The following NRG1 variants were observed in gnomAD, a reference collection of about 807,000 sequenced individuals.
NRG1 encodes the protein neuregulin 1.
A neutral mutation model predicts 63.8 loss-of-function variants in NRG1; 18 were observed. The observed-to-expected ratio is 0.28, with a 90% CI of 0.19 to 0.42. NRG1 has a LOEUF of 0.42. Among genes scored for constraint, NRG1 ranks in the 10% least tolerant of loss-of-function variants. The pLI is 1.00. For missense variants in NRG1, 762 were observed against 814.7 expected, an observed-to-expected ratio of 0.94 and a Z score of 0.79; for synonymous variants, 302 against 301.3, an observed-to-expected ratio of 1.00 and a Z score of -0.02.
At chr8:31,878,807 C>T (rs1563518350) in intron 1 of NRG1, among the ~76,000 whole-genome samples, 2 of 152,170 alleles carry the variant, frequency 1.3e-5, no homozygotes, top group African/African-American at 4.8e-5. Flanking sequence ...CGCTTACTTC[C>T]TCACCGTGCA....
intron 1 of NRG1, among the ~76,000 whole-genome samples, chr8:31,835,181 A>G (rs1341341850): frequency 6.6e-6 from 1 of 152,194 alleles, no homozygotes; most frequent in Non-Finnish European, 1.5e-5. Flanking sequence ...TGAACTAGGA[A>G]TTATGAACGC....
At chr8:32,598,773 T>G (rs1843802518) in intron 2 of NRG1, among the ~76,000 whole-genome samples, 1 of 152,136 alleles carries the variant, frequency 6.6e-6, no homozygotes, top group African/African-American at 2.4e-5. Context: ...GGGTATTTTG[T>G]CATTTCTAAA....
At chr8:31,764,806 G>A (rs1271918543) in intron 1 of NRG1, among the ~76,000 whole-genome samples, 1 of 151,468 alleles carries the variant, frequency 6.6e-6, no homozygotes, top group East Asian at 2.0e-4. Flanking sequence ...AGTTACATAT[G>A]TATACATGTG....
intron 1 of NRG1, among the ~76,000 whole-genome samples, chr8:31,783,370 A>T (rs886085963): frequency 1.3e-5 from 2 of 152,156 alleles, no homozygotes; most frequent in Non-Finnish European, 2.9e-5. Flanking sequence ...CATTTGCTGG[A>T]GATGATATTT....
chr8:31,976,415 C>G (rs575148193), intron 1 of NRG1, among the ~76,000 whole-genome samples: 1 of 152,062 alleles, frequency 6.6e-6, no homozygotes, highest in Non-Finnish European at 1.5e-5. Flanking sequence ...TATGTTCTGA[C>G]AAGAGTTCAG....
chr8:31,830,363 CTCCT>C lies in NRG1; in HGVS notation c.37+190936_37+190939del, dbSNP rs906495212. Among the ~76,000 whole-genome samples the C allele has an allele frequency of 3.8e-4, 18 of 47,200 alleles. No homozygotes were observed. The East Asian group carries it at 0.033, about 86-fold the overall frequency. The allele number at this position is 47,200 out of a possible 152,430, so 31.0% of individuals were successfully genotyped here. On this transcript the variant is annotated intron_variant, in intron 1 of 10. Transcript: ENST00000519301. ...CTTCCTTCCTTCCTTCCTTCCTTCC[CTCCT>C]TCCCTCCTTCCCTCCTTCCCTCCTT... is the stretch of plus-strand genomic sequence containing the variant.
At chr8:31,652,266 G>C (rs145126890) in intron 1 of NRG1, among the ~76,000 whole-genome samples, 6 of 152,072 alleles carry the variant, frequency 3.9e-5, no homozygotes, top group Non-Finnish European at 8.8e-5. Flanking sequence ...GATTCGTCCC[G>C]TCTTCCCTCA....
chr8:31,640,050 C>G lies in NRG1; in HGVS notation c.37+619C>G. 6.1e-6 allele frequency: 7 copies of G among 1,143,768 alleles called. No individual in the cohort carries two copies. Among genetic ancestry groups the G allele is most frequent in the Non-Finnish European group, 7.5e-6 (7 of 933,114 alleles). The allele number at this position is 1,143,768 out of a possible 1,614,324, so 70.9% of individuals were successfully genotyped here. ...GCCCCCGGGCCCAGCGCCCCGGCTC[C>G]GCCGCCCGCTCGTCGCCGCCGCTGC... On this transcript the variant is annotated intron_variant, in intron 1 of 10. Transcript: ENST00000519301. This position sits in a 1 kb window ranked among gnomAD's most constrained non-coding sequence, Gnocchi z 6.3.
chr8:32,223,213 T>A (rs1846001896), intron 1 of NRG1, among the ~76,000 whole-genome samples: 1 of 152,224 alleles, frequency 6.6e-6, no homozygotes, highest in Admixed American at 6.5e-5. Context: ...AGAGCATTTA[T>A]AAAATGTTTA....
intron 1 of NRG1, among the ~76,000 whole-genome samples, chr8:32,437,911 T>C (rs1018793285): frequency 6.6e-5 from 10 of 152,214 alleles, no homozygotes; most frequent in African/African-American, 2.2e-4. Flanking sequence ...ATTATGTTGT[T>C]TGTGGAAACC....
intron 1 of NRG1, among the ~76,000 whole-genome samples, chr8:32,427,664 A>C (rs1817566847): frequency 1.3e-5 from 2 of 152,138 alleles, no homozygotes; most frequent in South Asian, 4.1e-4. Context: ...CTTCAATTTG[A>C]TAGCTCCTTC....
At chr8:31,989,197 G>A (rs1194550436) in intron 1 of NRG1, among the ~76,000 whole-genome samples, 1 of 119,718 alleles carries the variant, frequency 8.4e-6, no homozygotes, top group Non-Finnish European at 1.6e-5. Flanking sequence ...CAGTGAAGCC[G>A]AGATTACTGT....
Position 31,640,035 on chromosome 8 carries a change from C to T in NRG1, c.37+604C>T. The T allele has an allele frequency of 8.8e-7, 1 of 1,142,580 alleles. No homozygotes were observed. The highest frequency in any genetic ancestry group is 1.1e-6 in the Non-Finnish European group (1 of 932,670). The allele number at this position is 1,142,580 out of a possible 1,614,324, so 70.8% of individuals were successfully genotyped here. On this transcript the variant is annotated intron_variant, in intron 1 of 10. Transcript: ENST00000519301. This position sits in a 1 kb window ranked among gnomAD's most constrained non-coding sequence, Gnocchi z 6.3. ...GCTCCGGGCGTCCCGGCCCCCGGGC[C>T]CAGCGCCCCGGCTCCGCCGCCCGCT...
At chr8:32,289,036 G>A (rs17630793) in intron 1 of NRG1, among the ~76,000 whole-genome samples, 8,151 of 152,194 alleles carry the variant, frequency 0.054, 256 homozygotes, top group South Asian at 0.071. Context: ...GAAACTCCTG[G>A]ATTTCTCTGA....
intron 1 of NRG1, among the ~76,000 whole-genome samples, chr8:32,101,456 C>G (rs1294349053): frequency 1.3e-5 from 2 of 148,848 alleles, no homozygotes; most frequent in Non-Finnish European, 3.0e-5. Flanking sequence ...CTTTTTCATA[C>G]CTTCTTGTTT....
intron 1 of NRG1, among the ~76,000 whole-genome samples, chr8:32,090,616 G>A (rs184765103): frequency 1.3e-4 from 20 of 152,154 alleles, no homozygotes; most frequent in South Asian, 4.1e-4. Context: ...CCACTGCACC[G>A]GTCCAGGACA....
At chr8:32,420,230 C>A (rs571778850) in intron 1 of NRG1, among the ~76,000 whole-genome samples, 2 of 152,314 alleles carry the variant, frequency 1.3e-5, no homozygotes, top group Admixed American at 1.3e-4. Context: ...CCTCTTGTGA[C>A]TTAATGGTGG....
intron 1 of NRG1, among the ~76,000 whole-genome samples, chr8:32,452,766 A>G (rs1191700065): frequency 6.6e-6 from 1 of 152,226 alleles, no homozygotes; most frequent in African/African-American, 2.4e-5. Context: ...ACCATGTTCA[A>G]TATTTTGCTT....
chr8:32,233,422 A>C (rs1847168119), intron 1 of NRG1, among the ~76,000 whole-genome samples: 1 of 151,680 alleles, frequency 6.6e-6, no homozygotes, highest in Admixed American at 6.6e-5. Context: ...GTACATTATA[A>C]ATAAATACCA....
Sources: gnomAD v4.1 joint callset for allele counts (sites outside exome capture counted in the v4.1 genomes callset) on GRCh38, gnomAD v4.1.1 for gene constraint, Gnocchi (gnomAD v3.1) non-coding constraint, MANE v1.5 for transcripts, NCBI Gene and HGNC (gene_info 2026-07-23, HGNC 2026-07-21) for gene names.